Variants in HAUS6 observed in about 807,000 individuals in gnomAD.
HAUS6 encodes the protein HAUS augmin like complex subunit 6, also known as HAUS augmin-like complex subunit 6.
A neutral mutation model predicts 106.8 loss-of-function variants in HAUS6; 80 were observed. The observed-to-expected ratio is 0.75, with a 90% confidence interval of 0.63 to 0.90. The LOEUF is 0.90. Ranked by LOEUF, HAUS6 falls within the 40% of genes least tolerant of loss-of-function variation. The pLI, the probability that HAUS6 is intolerant of heterozygous loss-of-function variation, is 0.00. For synonymous variants in HAUS6, 356 were observed against 379.1 expected (o/e 0.94, Z 0.71); for missense variants, 1,155 against 1,118.1 (o/e 1.03, Z -0.47).
At chr9:19,066,832 A>G (rs77540482) in intron 12 of HAUS6, among the ~76,000 whole-genome samples, 1 of 124,832 alleles carries the variant, frequency 8.0e-6, no homozygotes, top group African/African-American at 2.8e-5. Flanking sequence ...CATCTCTACA[A>G]AAAAAAAAAA....
Position 19,093,322 on chromosome 9 carries a change from A to G in HAUS6, c.304-19T>C. The G allele has an allele frequency of 6.3e-7, 1 of 1,586,254 alleles. No homozygotes were observed. The highest frequency in any genetic ancestry group is 8.6e-7 in the Non-Finnish European group (1 of 1,165,144). ...ATTCACCCTATGAAGAAAAGAAATAAGATGATTTGAAGACCTTGTTAACAA... is the reference window on the plus strand; with the variant it reads ...ATTCACCCTATGAAGAAAAGAAATAGGATGATTTGAAGACCTTGTTAACAA... On this transcript the variant is annotated intron_variant, in intron 3 of 16. Coordinates refer to ENST00000380502, the MANE Select transcript of HAUS6 (RefSeq NM_017645.5).
chr9:19,090,248 T>G (rs1817715213), intron 4 of HAUS6, among the ~76,000 whole-genome samples: 1 of 152,174 alleles, frequency 6.6e-6, no homozygotes, highest in East Asian at 1.9e-4. Flanking sequence ...TGTATCCACC[T>G]AAAAAAATTC....
At chr9:19,098,842 G>C (rs1817920666) in intron 1 of HAUS6, among the ~76,000 whole-genome samples, 1 of 151,968 alleles carries the variant, frequency 6.6e-6, no homozygotes, top group Non-Finnish European at 1.5e-5. Flanking sequence ...GACCAACATG[G>C]AGAAACCCCG....
At chr9:19,087,469 C>T (rs1837324745) in intron 5 of HAUS6, among the ~76,000 whole-genome samples, 1 of 152,164 alleles carries the variant, frequency 6.6e-6, no homozygotes, top group African/African-American at 2.4e-5. Context: ...AGTCAGGCAA[C>T]ATTTCAGTTA....
intron 7 of HAUS6, among the ~76,000 whole-genome samples, chr9:19,084,736 G>A (rs1449192641): frequency 6.6e-6 from 1 of 150,938 alleles, no homozygotes; most frequent in African/African-American, 2.4e-5. Flanking sequence ...AGGTTCAAGT[G>A]ATTCTTGTGC....
intron 14 of HAUS6, among the ~76,000 whole-genome samples, chr9:19,061,884 G>C (rs1274829393): frequency 1.3e-5 from 2 of 152,152 alleles, no homozygotes; most frequent in Non-Finnish European, 2.9e-5. Context: ...TTTGGACAAT[G>C]CTCATTTAGT....
chr9:19,066,476 T>A (rs1056872588), intron 12 of HAUS6, among the ~76,000 whole-genome samples: 9 of 152,178 alleles, frequency 5.9e-5, no homozygotes, highest in Non-Finnish European at 1.0e-4. Flanking sequence ...TGCAAGATCA[T>A]ACTGCCCTCC....
rs71494998 is a variant in HAUS6 at position 19,092,916 on chromosome 9, C to CAAAAAAAAAAAAAA, written c.436+241_436+254dup. Among the ~76,000 whole-genome samples the CAAAAAAAAAAAAAA allele has an allele frequency of 3.4e-3, 262 of 76,132 alleles. 4 individuals carry two copies. Among genetic ancestry groups the CAAAAAAAAAAAAAA allele is most frequent in the African/African-American group, 7.5e-3 (178 of 23,770 alleles). 49.9% of individuals were successfully genotyped at this position (76,132 alleles called of 152,430 possible). On this transcript the variant is annotated intron_variant, in intron 4 of 16. Transcript: ENST00000380502. ...CTCCAGCTTGAGCGAAACTGTGTCT[C>CAAAAAAAAAAAAAA]AAAAAAAAAAAAAAAAAGAAATGTT...
chr9:19,061,041 G>A (rs946708378), intron 14 of HAUS6, among the ~76,000 whole-genome samples: 2 of 152,320 alleles, frequency 1.3e-5, no homozygotes, highest in African/African-American at 4.8e-5. Context: ...GCGCATGCCT[G>A]TAATTCCAGC....
chr9:19,098,174 C>A (rs1316972273), intron 1 of HAUS6, among the ~76,000 whole-genome samples: 3 of 152,224 alleles, frequency 2.0e-5, no homozygotes, highest in African/African-American at 7.2e-5. Context: ...GGTGCAGCGG[C>A]TCACACCTGT....
At position 19,054,976 on chromosome 9, in the gene HAUS6, A is replaced by C. The variant is rs1015106944; in HGVS notation, c.*1367T>G. 2 of 152,210 alleles carry C rather than the reference A, an allele frequency of 1.3e-5. No homozygotes were observed. The highest frequency in any genetic ancestry group is 2.9e-5 in the Non-Finnish European group (2 of 68,030). The allele number at this position is 152,210 out of a possible 1,614,324, so 9.4% of individuals were successfully genotyped here. On this transcript the variant is annotated 3_prime_UTR_variant, in exon 17 of 17. Transcript: ENST00000380502. ...TCCCTGATTTGTTTTATTAACTAATAAAAGAAAACAGCAACTTAGGAGAAG... is the reference window on the plus strand; with the variant it reads ...TCCCTGATTTGTTTTATTAACTAATCAAAGAAAACAGCAACTTAGGAGAAG...
intron 12 of HAUS6, 193 bp from the exon 13 acceptor site, chr9:19,063,773 G>A: frequency 2.7e-6 from 2 of 740,616 alleles, no homozygotes; most frequent in East Asian, 2.6e-5. Flanking sequence ...CCCAATTTGT[G>A]TATCAGCCTC....
chr9:19,076,291 C>T lies in HAUS6; in HGVS notation c.1294+311G>A, dbSNP rs111695265. 4.5e-3 allele frequency among the ~76,000 whole-genome samples: 676 copies of T among 150,542 alleles called. 1 individual carries two copies. Among genetic ancestry groups the T allele is most frequent in the Non-Finnish European group, 8.1e-3 (547 of 67,568 alleles). ...TCACTTGAGCCTGGGGTGGTCAAGG[C>T]TACAGTGAGCTGAGATTGTTCGACT... On this transcript the variant is annotated intron_variant, in intron 11 of 16. Transcript: ENST00000380502.
In HAUS6 at chr9:19,100,307, A is replaced by C. The variant is rs143492634; in HGVS notation, c.128+2217T>G. Reference sequence around the variant, plus strand: ...CTTGAGCCCAGGAGATGGAGGCTGCAGTGAGCCACATTCAGGCCACTGCAC... The same window carrying C: ...CTTGAGCCCAGGAGATGGAGGCTGCCGTGAGCCACATTCAGGCCACTGCAC... On this transcript the variant is annotated intron_variant, in intron 1 of 16. Coordinates refer to ENST00000380502, the MANE Select transcript of HAUS6 (RefSeq NM_017645.5). Among the ~76,000 whole-genome samples the C allele has an allele frequency of 8.3e-3, 1,266 of 152,354 alleles. 14 individuals are homozygous for C. Among genetic ancestry groups the C allele is most frequent in the African/African-American group, 0.029 (1,205 of 41,584 alleles).
At chr9:19,061,112 C>T (rs1225432973) in intron 14 of HAUS6, among the ~76,000 whole-genome samples, 1 of 152,196 alleles carries the variant, frequency 6.6e-6, no homozygotes, top group Non-Finnish European at 1.5e-5. Flanking sequence ...TGCGGTGAGC[C>T]AAGATCGTGC....
intron 3 of HAUS6, among the ~76,000 whole-genome samples, 196 bp downstream of exon 3, chr9:19,094,121 G>A (rs547127329): frequency 3.0e-4 from 45 of 152,270 alleles, no homozygotes; most frequent in African/African-American, 1.1e-3. Flanking sequence ...CAGTACACCT[G>A]GCCAGCAAAG....
rs1343514518 is a variant in HAUS6 at position 19,055,228 on chromosome 9, G to T, written c.*1115C>A. The T allele has an allele frequency of 6.6e-6, 1 of 152,184 alleles. No individual in the cohort carries two copies. Among genetic ancestry groups the T allele is most frequent in the African/African-American group, 2.4e-5 (1 of 41,434 alleles). The allele number at this position is 152,184 out of a possible 1,614,324, so 9.4% of individuals were successfully genotyped here. ...GCTAGTGGACAAGATTTTGATGGTA[G>T]TGAGATGGGGTCTACAAAGGGTATT... On this transcript the variant is annotated 3_prime_UTR_variant, in exon 17 of 17. Coordinates refer to ENST00000380502, the MANE Select transcript of HAUS6 (RefSeq NM_017645.5).
intron 10 of HAUS6, 53 bp downstream of exon 10, chr9:19,078,118 CAAAAA>C: frequency 5.6e-6 from 6 of 1,069,256 alleles, no homozygotes; most frequent in Admixed American, 2.6e-5. Flanking sequence ...GACACTGTCT[CAAAAA>C]AAAAAAAAAA....
At chr9:19,096,855 A>T in intron 1 of HAUS6, 86 bp from the exon 2 acceptor site, 1 of 598,054 alleles carries the variant, frequency 1.7e-6, no homozygotes, top group Non-Finnish European at 2.9e-6. Flanking sequence ...ACTTTGACAC[A>T]AATTAATGTT....
Sources: allele counts gnomAD v4.1 joint callset (sites outside exome capture counted in the v4.1 genomes callset), GRCh38; gene constraint gnomAD v4.1.1; transcripts MANE v1.5; gene names NCBI Gene and HGNC (gene_info 2026-07-23, HGNC 2026-07-21).